CECR2: variants seen among roughly 807,000 people sequenced by gnomAD.
The protein encoded by CECR2 is chromatin remodeling regulator CECR2.
In CECR2, 30 loss-of-function variants were observed where a neutral mutation model predicts 154.5. The observed-to-expected ratio is 0.19, with a 90% CI of 0.15 to 0.26. The LOEUF (loss-of-function observed/expected upper bound fraction) is 0.26, where lower values mean the gene tolerates loss of function less well. Among genes scored for constraint, CECR2 ranks in the 10% least tolerant of loss-of-function variants. CECR2 has a pLI of 1.00. For synonymous variants in CECR2, 725 were observed against 683.7 expected, an observed-to-expected ratio of 1.06 and a Z score of -0.94; for missense variants, 1,743 against 1,829.3, an observed-to-expected ratio of 0.95 and a Z score of 0.86.
intron 1 of CECR2, among the ~76,000 whole-genome samples, chr22:17,391,791 G>C (rs935660442): frequency 6.6e-6 from 1 of 152,206 alleles, no homozygotes; most frequent in African/African-American, 2.4e-5. Context: ...GGATTAAAGT[G>C]ATTGTTGAAT....
Position 17,407,360 on chromosome 22 carries a change from C to A in CECR2, c.126+37451C>A, listed in dbSNP as rs534205971. ...CCTGTAATCCCAGCACTTTGGGAGG[C>A]CAAGGCGGGTGGATCACCTGAGGTC... On this transcript the variant is annotated intron_variant, in intron 1 of 18. Coordinates refer to ENST00000262608, the MANE Select transcript of CECR2 (RefSeq NM_001290047.2). Among the ~76,000 whole-genome samples the A allele has an allele frequency of 3.9e-5, 6 of 152,306 alleles. No individual in the cohort carries two copies. The East Asian group carries it at 1.2e-3, about 29-fold the overall frequency.
At chr22:17,527,713 G>A (rs1057433894) in intron 9 of CECR2, among the ~76,000 whole-genome samples, 8 of 149,738 alleles carry the variant, frequency 5.3e-5, no homozygotes, top group Non-Finnish European at 1.0e-4. Context: ...GTGGCAGTGA[G>A]CAGAGATCAA....
At chr22:17,428,826 G>GTGTGTGTGTGTGTGTATATATA (rs369291932) in intron 1 of CECR2, among the ~76,000 whole-genome samples, 67 of 150,706 alleles carry the variant, frequency 4.4e-4, no homozygotes, top group African/African-American at 1.6e-3. Context: ...GTGTGTGTGT[G>GTGTGTGTGTGTGTGTATATATA]TATATAAAGG....
intron 13 of CECR2, among the ~76,000 whole-genome samples, chr22:17,539,640 A>G (rs1413881629): frequency 6.6e-6 from 1 of 152,132 alleles, no homozygotes; most frequent in Non-Finnish European, 1.5e-5. Context: ...CGTTGTGCAC[A>G]TGTACCCTAG....
At chr22:17,467,090 T>C (rs1187497037) in intron 1 of CECR2, among the ~76,000 whole-genome samples, 4 of 152,224 alleles carry the variant, frequency 2.6e-5, no homozygotes, top group South Asian at 2.1e-4. Context: ...TTCCGCTGTC[T>C]AGATTAAAGG....
At chr22:17,518,689 GT>G (rs1164881245) in intron 8 of CECR2, 5 of 444,200 alleles carry the variant, frequency 1.1e-5, no homozygotes, top group Non-Finnish European at 2.3e-5. Context: ...ATGAATTACT[GT>G]TTGCATTCAA....
intron 7 of CECR2, 118 bp from the exon 8 acceptor site, chr22:17,511,695 C>A: frequency 1.4e-6 from 1 of 728,168 alleles, no homozygotes; most frequent in Non-Finnish European, 2.4e-6. Flanking sequence ...AAGCCTTTGG[C>A]CCTAACCTGT....
chr22:17,425,728 G>A (rs1049630813), intron 1 of CECR2, among the ~76,000 whole-genome samples: 4 of 136,408 alleles, frequency 2.9e-5, no homozygotes, highest in East Asian at 2.0e-4. Flanking sequence ...TAGTCTAGGC[G>A]GATAGACCAA....
rs768824476 is a variant in CECR2 at position 17,542,621 on chromosome 22, A to T, written c.2478A>T (p.Gln826His). Residue 826 changes from glutamine to histidine, a missense_variant, in exon 16 of 19, where the codon CAA becomes CAT. Physicochemically the swap from Gln to His is conservative, Grantham distance 24. Transcript: ENST00000262608. ...TCCCCCCCAACCAGTGGACTGAACA[A>T]TCAGGCTTCCTACCTCATGGAGTTC... ...PPVPPNQWTE[Q>H]SGFLPHGVPS... is the part of the protein sequence containing the mutation. 4.3e-6 allele frequency: 7 copies of T among 1,613,964 alleles called. No homozygotes were observed. The highest frequency in any genetic ancestry group is 5.9e-6 in the Non-Finnish European group (7 of 1,179,880).
chr22:17,461,968 T>C (rs766186213), intron 1 of CECR2, among the ~76,000 whole-genome samples: 9 of 151,856 alleles, frequency 5.9e-5, no homozygotes, highest in Non-Finnish European at 1.2e-4. Flanking sequence ...AATTTTTTTA[T>C]TTTTAGTAGA....
At chr22:17,489,914 T>G (rs1216572204) in intron 2 of CECR2, among the ~76,000 whole-genome samples, 2 of 151,930 alleles carry the variant, frequency 1.3e-5, no homozygotes, top group Non-Finnish European at 1.5e-5. Flanking sequence ...GGAGTACTGT[T>G]TTTGAGCCTT....
At chr22:17,468,393 A>G (rs1432558601) in intron 1 of CECR2, among the ~76,000 whole-genome samples, 4 of 152,280 alleles carry the variant, frequency 2.6e-5, no homozygotes, top group South Asian at 2.1e-4. Context: ...GATGTTAACT[A>G]TATTGCCCAG....
At chr22:17,507,398 A>G (rs895110169) in intron 7 of CECR2, among the ~76,000 whole-genome samples, 1 of 152,236 alleles carries the variant, frequency 6.6e-6, no homozygotes, top group Admixed American at 6.5e-5. Context: ...ATTAAAATAT[A>G]TAATCTAATT....
At chr22:17,411,691 A>G (rs182523933) in intron 1 of CECR2, among the ~76,000 whole-genome samples, 2 of 152,354 alleles carry the variant, frequency 1.3e-5, no homozygotes, top group African/African-American at 4.8e-5. Flanking sequence ...CATAAATCTC[A>G]GAATTTAAAA....
At chr22:17,492,971 T>C (rs1486246709) in intron 2 of CECR2, among the ~76,000 whole-genome samples, 2 of 152,012 alleles carry the variant, frequency 1.3e-5, no homozygotes, top group East Asian at 1.9e-4. Context: ...TACTTTATAT[T>C]TTATTTTATT....
At chr22:17,511,386 C>T (rs1312074510) in intron 7 of CECR2, among the ~76,000 whole-genome samples, 2 of 152,204 alleles carry the variant, frequency 1.3e-5, no homozygotes, top group South Asian at 2.1e-4. Flanking sequence ...ACTGCTCTCA[C>T]TTCTCACTGC....
chr22:17,364,122 T>A (rs1363128589), intron 1 of CECR2, among the ~76,000 whole-genome samples: 1 of 151,788 alleles, frequency 6.6e-6, no homozygotes, highest in East Asian at 1.9e-4. Context: ...GGCGGGCAGA[T>A]CACGAGGTCA....
intron 1 of CECR2, among the ~76,000 whole-genome samples, chr22:17,400,782 C>G (rs1452304860): frequency 6.6e-6 from 1 of 152,116 alleles, no homozygotes; most frequent in African/African-American, 2.4e-5. Flanking sequence ...GACAGGGTCT[C>G]CCTCTGTTGC....
At chr22:17,430,976 T>TC (rs1479147224) in intron 1 of CECR2, among the ~76,000 whole-genome samples, 2 of 152,232 alleles carry the variant, frequency 1.3e-5, no homozygotes, top group African/African-American at 4.8e-5. Context: ...GTGAGTGCCC[T>TC]GTCTCTATAG....
Sources: gnomAD v4.1 joint callset for allele counts (sites outside exome capture counted in the v4.1 genomes callset) on GRCh38, gnomAD v4.1.1 for gene constraint, MANE v1.5 for transcripts, NCBI Gene and HGNC (gene_info 2026-07-23, HGNC 2026-07-21) for gene names.